The following FKTN variants were observed in gnomAD, a reference collection of about 807,000 sequenced individuals.
FKTN encodes ribitol-5-phosphate transferase FKTN.
A neutral mutation model predicts 58.6 loss-of-function variants in FKTN; 47 were observed. The ratio of observed to expected loss-of-function variants is 0.80; its 90% CI spans 0.63 to 1.02. The LOEUF (loss-of-function observed/expected upper bound fraction) is 1.02, where lower values mean the gene tolerates loss of function less well. FKTN is among the 50% of genes least tolerant of loss of function. FKTN has a pLI of 0.00. For missense variants in FKTN, 516 were observed against 537.3 expected (o/e 0.96, Z 0.39); for synonymous variants, 178 against 191.9 (o/e 0.93, Z 0.60).
chr9:105,569,644 A>G (rs1378672941), intron 1 of FKTN, among the ~76,000 whole-genome samples: 1 of 152,198 alleles, frequency 6.6e-6, no homozygotes. Flanking sequence ...GCCAGATCTC[A>G]GTTCATGCAC....
chr9:105,584,308 C>G (rs1843533272), intron 3 of FKTN, among the ~76,000 whole-genome samples: 1 of 151,734 alleles, frequency 6.6e-6, no homozygotes, highest in Admixed American at 6.6e-5. Context: ...TGTGTCCATA[C>G]CATACAAACT....
intron 10 of FKTN, among the ~76,000 whole-genome samples, chr9:105,632,490 ATGT>A (rs1439549887): frequency 8.6e-5 from 13 of 151,486 alleles, no homozygotes; most frequent in African/African-American, 2.9e-4. Flanking sequence ...GTTATAGTTG[ATGT>A]TGTCTCTATC....
At chr9:105,574,213 C>T (rs1424466421) in intron 2 of FKTN, 2 of 151,808 alleles carry the variant, frequency 1.3e-5, no homozygotes, top group African/African-American at 4.8e-5. Flanking sequence ...GAACAAAAGA[C>T]ATATAAACCT....
At chr9:105,574,908 G>T (rs1841393395) in intron 2 of FKTN, 37 bp from the exon 3 acceptor site, 1 of 691,242 alleles carries the variant, frequency 1.4e-6, no homozygotes, top group Admixed American at 2.2e-5. Flanking sequence ...AATTAAAGAG[G>T]TTTTTGTTTC....
At chr9:105,567,645 CACAA>C (rs1288259750) in intron 1 of FKTN, among the ~76,000 whole-genome samples, 1 of 152,062 alleles carries the variant, frequency 6.6e-6, no homozygotes, top group Non-Finnish European at 1.5e-5. Context: ...TAAAAGAGGA[CACAA>C]ACAAATGGAA....
Position 105,637,723 on chromosome 9 carries a change from C to G in FKTN, c.*2459C>G. ...TTGACAACTTGTTGGTAGTTAGGCA[C>G]CCATGAATGTCTCCAGAGACATCCT... On this transcript the variant is annotated 3_prime_UTR_variant, in exon 11 of 11. Transcript: ENST00000357998. The G allele has an allele frequency of 1.4e-5, 14 of 985,330 alleles. No individual in the cohort carries two copies. Among genetic ancestry groups the G allele is most frequent in the Non-Finnish European group, 1.7e-5 (14 of 829,914 alleles). The allele number at this position is 985,330 out of a possible 1,614,324, so 61.0% of individuals were successfully genotyped here. A position where few individuals can be genotyped will look rare whatever the true frequency, so the allele number is the denominator to read the frequency against.
rs1554751233 is a variant in FKTN, at chr9:105,601,237, C to T, written c.258C>T (p.Asn86=). 3.1e-6 allele frequency: 5 copies of T among 1,611,136 alleles called. No homozygotes were observed. The highest frequency in any genetic ancestry group is 4.2e-6 in the Non-Finnish European group (5 of 1,177,638). Residue 86 remains asparagine, a synonymous_variant, in exon 5 of 11, where the codon AAC becomes AAT. Coordinates refer to ENST00000357998, the MANE Select transcript of FKTN (RefSeq NM_001079802.2). The part of the protein sequence containing the change: ...DPLILELINK[N]FEQVKNTSHG... The stretch of plus-strand genomic sequence containing the variant: ...TGATACTGGAATTGATTAATAAGAA[C>T]TTTGAACAAGTCAAAAATACTTCTC...
intron 1 of FKTN, among the ~76,000 whole-genome samples, chr9:105,573,287 T>C (rs900320966): frequency 1.3e-5 from 2 of 152,002 alleles, no homozygotes; most frequent in Non-Finnish European, 2.9e-5. Context: ...AATTCAATGT[T>C]ATAACAGAAA....
intron 3 of FKTN, among the ~76,000 whole-genome samples, chr9:105,577,840 T>A (rs1259022476): frequency 6.7e-6 from 1 of 149,860 alleles, no homozygotes. Flanking sequence ...CCTCTTTTAT[T>A]TCCTTGAGCA....
At chr9:105,581,247 G>T (rs1461981286) in intron 3 of FKTN, among the ~76,000 whole-genome samples, 296 of 148,076 alleles carry the variant, frequency 2.0e-3, no homozygotes, top group Non-Finnish European at 3.1e-3. Context: ...GGCGCTCTGC[G>T]TTTTAGAGTT....
intron 6 of FKTN, among the ~76,000 whole-genome samples, chr9:105,606,972 G>T (rs900421591): frequency 2.6e-5 from 4 of 151,498 alleles, no homozygotes; most frequent in African/African-American, 7.3e-5. Context: ...CCACTTTTTT[G>T]CCTGTTTTTT....
chr9:105,627,294 T>C (rs1465180022), intron 10 of FKTN, among the ~76,000 whole-genome samples: 3 of 152,112 alleles, frequency 2.0e-5, no homozygotes, highest in East Asian at 3.9e-4. Flanking sequence ...TTAATAGTGA[T>C]TTTTGGTGAA....
At chr9:105,595,571 G>T (rs936640603) in intron 3 of FKTN, among the ~76,000 whole-genome samples, 3 of 152,136 alleles carry the variant, frequency 2.0e-5, no homozygotes, top group Non-Finnish European at 4.4e-5. Context: ...AGCTTGTGAG[G>T]AGAGACCAAT....
intron 4 of FKTN, among the ~76,000 whole-genome samples, chr9:105,600,446 T>C (rs1470769099): frequency 5.9e-5 from 9 of 152,180 alleles, no homozygotes; most frequent in Admixed American, 3.3e-4. Context: ...TTGCTGTTCT[T>C]AGATATTACT....
At chr9:105,565,090 G>T (rs1007764340) in intron 1 of FKTN, among the ~76,000 whole-genome samples, 2 of 152,094 alleles carry the variant, frequency 1.3e-5, no homozygotes, top group Non-Finnish European at 2.9e-5. Context: ...TTACAGACAA[G>T]CAAATGCTGA....
chr9:105,585,555 G>C (rs1207629392), intron 3 of FKTN, among the ~76,000 whole-genome samples: 5 of 152,108 alleles, frequency 3.3e-5, no homozygotes, highest in African/African-American at 4.8e-5. Flanking sequence ...TTGGGTTTTT[G>C]TTAAACTTAT....
chr9:105,570,922 G>A lies in FKTN; in HGVS notation c.-180-2733G>A, dbSNP rs185458909. Among the ~76,000 whole-genome samples the A allele has an allele frequency of 3.9e-3, 597 of 152,258 alleles. 7 individuals are homozygous for A. Among genetic ancestry groups the A allele is most frequent in the African/African-American group, 0.013 (543 of 41,552 alleles). On this transcript the variant is annotated intron_variant, in intron 1 of 10. Transcript: ENST00000357998. Reference sequence around the variant, plus strand: ...GGTAATGGGCAAAAACACAGAGGCAGGAAAGTGTAGGATGTATTCCAGGAA... The same window carrying A: ...GGTAATGGGCAAAAACACAGAGGCAAGAAAGTGTAGGATGTATTCCAGGAA...
chr9:105,594,406 A>G (rs1270045388), intron 3 of FKTN, among the ~76,000 whole-genome samples: 1 of 152,194 alleles, frequency 6.6e-6, no homozygotes, highest in East Asian at 1.9e-4. Context: ...CACAAGGGGA[A>G]TGTAGTATGA....
intron 1 of FKTN, among the ~76,000 whole-genome samples, chr9:105,565,197 C>A (rs1479148868): frequency 6.6e-6 from 1 of 152,136 alleles, no homozygotes; most frequent in African/African-American, 2.4e-5. Context: ...CAAAAACATG[C>A]CAGATTCTAA....
Sources: allele counts gnomAD v4.1 joint callset (sites outside exome capture counted in the v4.1 genomes callset), GRCh38; gene constraint gnomAD v4.1.1; transcripts MANE v1.5; gene names NCBI Gene and HGNC (gene_info 2026-07-23, HGNC 2026-07-21).